The following TAFA1 variants were observed in gnomAD, a reference collection of about 807,000 sequenced individuals.
The protein encoded by TAFA1 is TAFA chemokine like family member 1.
In TAFA1, 4 loss-of-function variants were observed where a neutral mutation model predicts 18.5. The ratio of observed to expected loss-of-function variants is 0.22; its 90% CI spans 0.11 to 0.49. The LOEUF is 0.49. TAFA1 is among the 20% of genes least tolerant of loss of function. The pLI is 0.98. For missense variants in TAFA1, 147 were observed against 169.0 expected (o/e 0.87, Z 0.72); for synonymous variants, 56 against 55.2 (o/e 1.01, Z -0.06).
At chr3:68,357,982 C>G (rs915956281) in intron 2 of TAFA1, among the ~76,000 whole-genome samples, 1 of 151,956 alleles carries the variant, frequency 6.6e-6, no homozygotes, top group African/African-American at 2.4e-5. Flanking sequence ...CATGTTGCTT[C>G]ATGTGCCTTC....
chr3:68,168,172 T>G (rs933007497), intron 2 of TAFA1, among the ~76,000 whole-genome samples: 5 of 150,442 alleles, frequency 3.3e-5, no homozygotes, highest in South Asian at 2.1e-4. Flanking sequence ...AAGGCTTGAT[T>G]TGTTTTGCTC....
chr3:68,156,750 T>G (rs1254795591), intron 2 of TAFA1, among the ~76,000 whole-genome samples: 1 of 142,174 alleles, frequency 7.0e-6, no homozygotes, highest in African/African-American at 2.5e-5. Context: ...TAACTATAAT[T>G]TACTGAGTAT....
chr3:68,398,234 T>A (rs2070421896), intron 2 of TAFA1, among the ~76,000 whole-genome samples: 2 of 152,020 alleles, frequency 1.3e-5, no homozygotes, highest in African/African-American at 4.8e-5. Context: ...TATAGACCAA[T>A]GGAAATGAAC....
intron 2 of TAFA1, among the ~76,000 whole-genome samples, chr3:68,202,068 C>G (rs578161379): frequency 6.6e-6 from 1 of 151,690 alleles, no homozygotes; most frequent in Non-Finnish European, 1.5e-5. Flanking sequence ...CCTCATGACC[C>G]AAACACTTCC....
At chr3:68,281,883 A>G (rs1463240647) in intron 2 of TAFA1, among the ~76,000 whole-genome samples, 1 of 152,128 alleles carries the variant, frequency 6.6e-6, no homozygotes, top group East Asian at 1.9e-4. Flanking sequence ...AGAGAGTGGA[A>G]TCATTGTTTT....
intron 3 of TAFA1, among the ~76,000 whole-genome samples, chr3:68,501,986 A>G (rs1477892198): frequency 6.6e-6 from 1 of 152,160 alleles, no homozygotes; most frequent in Non-Finnish European, 1.5e-5. Context: ...TAGAAGAAAA[A>G]TAATCCAAAC....
intron 2 of TAFA1, among the ~76,000 whole-genome samples, chr3:68,307,655 T>C (rs2068444371): frequency 6.6e-6 from 1 of 152,232 alleles, no homozygotes. Context: ...ATTGTTACTT[T>C]CGTTTAGCTG....
intron 2 of TAFA1, among the ~76,000 whole-genome samples, chr3:68,181,474 G>T (rs1188658012): frequency 6.6e-6 from 1 of 152,014 alleles, no homozygotes; most frequent in Non-Finnish European, 1.5e-5. Context: ...AACTGATGTT[G>T]GAGGTACTCA....
intron 2 of TAFA1, among the ~76,000 whole-genome samples, chr3:68,308,524 C>A (rs969309227): frequency 1.2e-4 from 18 of 152,056 alleles, no homozygotes; most frequent in African/African-American, 3.9e-4. Flanking sequence ...ATAAGTACCA[C>A]ATGCTAACCA....
In TAFA1 at chr3:68,423,202, T is replaced by G. The variant is rs554538635; in HGVS notation, c.259+5782T>G. ...ACCAGTAATAATAATAAAAATAATG[T>G]TTACCATTTTTTAAGGCTATTATGT... is the stretch of plus-strand genomic sequence containing the variant. On this transcript the variant is annotated intron_variant, in intron 3 of 4. Transcript: ENST00000478136. Among the ~76,000 whole-genome samples, 862 of 152,152 alleles carry G rather than the reference T, an allele frequency of 5.7e-3. 4 individuals are homozygous for G. Among genetic ancestry groups the G allele is most frequent in the Non-Finnish European group, 9.8e-3 (666 of 67,976 alleles).
At chr3:68,369,431 G>T (rs1342666882) in intron 2 of TAFA1, among the ~76,000 whole-genome samples, 1 of 152,110 alleles carries the variant, frequency 6.6e-6, no homozygotes, top group Non-Finnish European at 1.5e-5. Flanking sequence ...TTTATTCTTT[G>T]CAAAGAAATC....
intron 2 of TAFA1, among the ~76,000 whole-genome samples, chr3:68,238,188 A>G (rs1361767254): frequency 6.6e-6 from 1 of 152,128 alleles, no homozygotes; most frequent in Non-Finnish European, 1.5e-5. Context: ...ACAGCCCTTC[A>G]ACTGGGCCTG....
At chr3:68,205,716 G>T (rs1330971595) in intron 2 of TAFA1, among the ~76,000 whole-genome samples, 1 of 151,786 alleles carries the variant, frequency 6.6e-6, no homozygotes, top group Non-Finnish European at 1.5e-5. Flanking sequence ...AGTAGAAGCG[G>T]TGTCCCAGAA....
chr3:68,140,458 T>A (rs2065656055), intron 2 of TAFA1, among the ~76,000 whole-genome samples: 1 of 152,206 alleles, frequency 6.6e-6, no homozygotes, highest in Non-Finnish European at 1.5e-5. Flanking sequence ...TTGGATGATA[T>A]CCTCTACATT....
chr3:68,088,194 TCA>T lies in TAFA1; in HGVS notation c.118+81453_118+81454del, dbSNP rs2064993152. 2.0e-5 allele frequency among the ~76,000 whole-genome samples: 3 copies of T among 152,326 alleles called. No homozygotes were observed. In the South Asian group the frequency reaches 6.2e-4, roughly 32 times the overall value. Reference sequence around the variant, plus strand: ...TGGACTTGGAAATAATAATATGTACTCACAAAGCATCCATAGCCTATATTAAT... The same window carrying T: ...TGGACTTGGAAATAATAATATGTACTCAAAGCATCCATAGCCTATATTAAT... On this transcript the variant is annotated intron_variant, in intron 2 of 4. Coordinates refer to ENST00000478136, the MANE Select transcript of TAFA1 (RefSeq NM_213609.4).
At chr3:68,201,163 A>T (rs2066465882) in intron 2 of TAFA1, among the ~76,000 whole-genome samples, 1 of 151,630 alleles carries the variant, frequency 6.6e-6, no homozygotes, top group Admixed American at 6.6e-5. Flanking sequence ...TGTATTGTTT[A>T]ATCTCCATGT....
At chr3:68,131,833 C>A (rs909315537) in intron 2 of TAFA1, among the ~76,000 whole-genome samples, 1 of 151,784 alleles carries the variant, frequency 6.6e-6, no homozygotes, top group Admixed American at 6.6e-5. Context: ...TGTGTCTCAG[C>A]TTTTTTACCT....
At chr3:68,421,394 T>C (rs760343041) in intron 3 of TAFA1, among the ~76,000 whole-genome samples, 18 of 152,164 alleles carry the variant, frequency 1.2e-4, no homozygotes, top group Non-Finnish European at 2.2e-4. Flanking sequence ...TCTATTGTGT[T>C]GCTATGATCA....
At chr3:68,332,590 T>G (rs1456095289) in intron 2 of TAFA1, among the ~76,000 whole-genome samples, 1 of 152,174 alleles carries the variant, frequency 6.6e-6, no homozygotes, top group Non-Finnish European at 1.5e-5. Flanking sequence ...AAATAAAAAT[T>G]GGGCAAAGGA....
Sources: allele counts gnomAD v4.1 joint callset (sites outside exome capture counted in the v4.1 genomes callset), GRCh38; gene constraint gnomAD v4.1.1; transcripts MANE v1.5; gene names NCBI Gene and HGNC (gene_info 2026-07-23, HGNC 2026-07-21).